Variants in ANKRD30B observed in about 807,000 individuals in gnomAD.
The protein encoded by ANKRD30B is ankyrin repeat domain-containing protein 30B.
Under a neutral mutation model 202.2 loss-of-function variants are expected in ANKRD30B, and 144 were observed. That is an observed-to-expected ratio of 0.71 (90% CI 0.62 to 0.82). The LOEUF (loss-of-function observed/expected upper bound fraction) is 0.82, where lower values mean the gene tolerates loss of function less well. Among genes scored for constraint, ANKRD30B ranks in the 40% least tolerant of loss-of-function variants. ANKRD30B has a pLI of 0.00. For synonymous variants in ANKRD30B, 508 were observed against 561.3 expected (o/e 0.91, Z 1.34); for missense variants, 1,487 against 1,669.1 (o/e 0.89, Z 1.90).
At chr18:14,828,365 G>T in intron 33 of ANKRD30B, 57 bp downstream of exon 33, 4 of 1,195,144 alleles carry the variant, frequency 3.3e-6, no homozygotes, top group East Asian at 2.6e-5. Context: ...ATAGAGAAAA[G>T]AAATCACTAT....
chr18:14,766,493 A>AAAAAAAGAAAAG (rs1567989711), intron 7 of ANKRD30B, among the ~76,000 whole-genome samples: 2 of 85,002 alleles, frequency 2.4e-5, no homozygotes, highest in African/African-American at 3.9e-5. Context: ...AAAAAAAAAA[A>AAAAAAAGAAAAG]AAAAGAAAAG....
At chr18:14,867,498 C>T in the ANKRD30B span, among the ~76,000 whole-genome samples, 7 of 152,148 alleles carry the variant, frequency 4.6e-5, no homozygotes, top group East Asian at 1.9e-4. Flanking sequence ...AGAGTTTTCA[C>T]GGCAATCCTC....
At chr18:14,899,232 C>A in the ANKRD30B span, among the ~76,000 whole-genome samples, 1 of 151,996 alleles carries the variant, frequency 6.6e-6, no homozygotes, top group Non-Finnish European at 1.5e-5. Context: ...TGTTCCCCTT[C>A]AACAAATGAT....
At chr18:14,774,801 AT>A (rs1468233714) in intron 9 of ANKRD30B, among the ~76,000 whole-genome samples, 5 of 152,014 alleles carry the variant, frequency 3.3e-5, no homozygotes, top group Non-Finnish European at 7.4e-5. Flanking sequence ...GTAAGAGTAA[AT>A]TTTTGTTCTA....
the ANKRD30B span, among the ~76,000 whole-genome samples, chr18:14,930,907 C>A: frequency 3.6e-4 from 55 of 152,310 alleles, no homozygotes; most frequent in African/African-American, 1.3e-3. Flanking sequence ...TTGGTGCTGG[C>A]CTCACTTTGG....
chr18:14,842,776 A>G, intron 37 of ANKRD30B, 121 bp from the exon 38 acceptor site: 1 of 958,976 alleles, frequency 1.0e-6, no homozygotes, highest in Non-Finnish European at 1.5e-6. Flanking sequence ...AAAACCCCCT[A>G]AACCTAAAGG....
the ANKRD30B span, among the ~76,000 whole-genome samples, chr18:14,899,519 T>C: frequency 6.6e-6 from 1 of 152,160 alleles, no homozygotes; most frequent in African/African-American, 2.4e-5. Flanking sequence ...AGTTTTATTC[T>C]TCTATTTGCA....
At chr18:14,795,015 T>G (rs1327971104) in intron 16 of ANKRD30B, among the ~76,000 whole-genome samples, 1 of 152,230 alleles carries the variant, frequency 6.6e-6, no homozygotes, top group East Asian at 1.9e-4. Flanking sequence ...AACAGTGGCT[T>G]AACAACTCAC....
At chr18:14,932,921 C>T in the ANKRD30B span, among the ~76,000 whole-genome samples, 1 of 152,166 alleles carries the variant, frequency 6.6e-6, no homozygotes, top group African/African-American at 2.4e-5. Context: ...ATTCAATCAA[C>T]CAACAGTGTT....
the ANKRD30B span, chr18:14,888,930 G>A: frequency 9.5e-7 from 1 of 1,050,838 alleles, no homozygotes; most frequent in Non-Finnish European, 1.4e-6. Flanking sequence ...AAACAAACAT[G>A]TTCCAAATGA....
chr18:14,886,864 G>A, the ANKRD30B span, among the ~76,000 whole-genome samples: 1 of 152,102 alleles, frequency 6.6e-6, no homozygotes. Flanking sequence ...TCAGGTGATA[G>A]TTCAGAATAC....
chr18:14,756,575 T>C (rs1361131000), intron 4 of ANKRD30B, among the ~76,000 whole-genome samples: 3 of 152,214 alleles, frequency 2.0e-5, no homozygotes. Context: ...CTGAATTAAT[T>C]TTTACACCTT....
the ANKRD30B span, among the ~76,000 whole-genome samples, chr18:14,912,572 A>G: frequency 0.021 from 3,162 of 152,254 alleles, 106 homozygotes; most frequent in African/African-American, 0.072. Context: ...ATTGGTATGT[A>G]GTGTTCTTCT....
At chr18:14,831,167 G>C (rs568537026) in intron 33 of ANKRD30B, among the ~76,000 whole-genome samples, 7 of 92,520 alleles carry the variant, frequency 7.6e-5, no homozygotes, top group Admixed American at 4.0e-4. Flanking sequence ...GCGACAGAGC[G>C]AGACTCCGTC....
intron 8 of ANKRD30B, among the ~76,000 whole-genome samples, chr18:14,771,708 T>C (rs9953822): frequency 0.36 from 54,768 of 152,036 alleles, 10,175 homozygotes; most frequent in Non-Finnish European, 0.4. Flanking sequence ...GAATCAGAGA[T>C]AGACAATGGA....
intron 40 of ANKRD30B, 36 bp downstream of exon 40, chr18:14,848,965 A>G: frequency 1.4e-6 from 2 of 1,453,916 alleles, no homozygotes; most frequent in Non-Finnish European, 1.8e-6. Flanking sequence ...TATTTCAACT[A>G]TTTATACTAA....
In ANKRD30B at chr18:14,763,954, G is replaced by A; in HGVS notation, c.1089G>A (p.Trp363Ter). Residue 363 changes from tryptophan to a stop codon, truncating the protein, a stop_gained, in exon 7 of 44, where the codon TGG (tryptophan) becomes TGA (stop). Coordinates refer to ENST00000690538, the MANE Select transcript of ANKRD30B (RefSeq NM_001367607.2). LOFTEE classifies it high-confidence loss of function. ...AAGAAAGATCTAGGAAGATCACATG[G>A]GAGGAAAAAGAAACATCTGTAAAGA... is the stretch of plus-strand genomic sequence containing the variant. ...PAKERSRKIT[W>*]EEKETSVKTE... 1 of 1,608,516 alleles carries A rather than the reference G, an allele frequency of 6.2e-7. No individual in the cohort carries two copies. The highest frequency in any genetic ancestry group is 8.5e-7 in the Non-Finnish European group (1 of 1,177,202).
chr18:14,752,882 A>C lies in ANKRD30B; in HGVS notation c.380A>C (p.Asp127Ala). Residue 127 changes from aspartate (D) to alanine (A), a missense_variant, in exon 3 of 44, where the codon GAT (aspartate) becomes GCT (alanine). Asp to Ala is a moderately radical substitution (Grantham distance 126, BLOSUM62 -2). Coordinates refer to ENST00000690538, the MANE Select transcript of ANKRD30B (RefSeq NM_001367607.2). ...GAGGCTTGTGCAAATATTCTCATAG[A>C]TGCTGGTGCTGATCTAAATTATGTA... The part of the protein sequence containing the change: ...EREACANILI[D>A]AGADLNYVDV... The C allele has an allele frequency of 1.9e-6, 3 of 1,609,488 alleles. No individual in the cohort carries two copies. The highest frequency in any genetic ancestry group is 2.5e-6 in the Non-Finnish European group (3 of 1,177,520).
At chr18:14,749,858 A>G (rs1441664645) in intron 1 of ANKRD30B, among the ~76,000 whole-genome samples, 6 of 151,936 alleles carry the variant, frequency 3.9e-5, no homozygotes, top group African/African-American at 1.2e-4. Flanking sequence ...TAATTCTTTT[A>G]GGAATATGAA....
Sources: gnomAD v4.1 joint callset for allele counts (sites outside exome capture counted in the v4.1 genomes callset) on GRCh38, gnomAD v4.1.1 for gene constraint, MANE v1.5 for transcripts, NCBI Gene and HGNC (gene_info 2026-07-23, HGNC 2026-07-21) for gene names.